The following ZNF888 variants were observed in gnomAD, a reference collection of about 807,000 sequenced individuals.
ZNF888 encodes CTD-2331H12.6.
A neutral mutation model predicts 7.2 loss-of-function variants in ZNF888; 5 were observed. The ratio of observed to expected loss-of-function variants is 0.70; its 90% CI spans 0.36 to 1.46. The LOEUF (loss-of-function observed/expected upper bound fraction) is 1.46. ZNF888 is among the 40% of genes most tolerant of loss of function. The pLI is 0.03. For missense variants in ZNF888, 716 were observed against 858.0 expected (o/e 0.83, Z 2.07); for synonymous variants, 240 against 284.3 (o/e 0.84, Z 1.57).
chr19:52,911,861 G>A (rs905909648), intron 4 of ZNF888, among the ~76,000 whole-genome samples: 1 of 151,826 alleles, frequency 6.6e-6, no homozygotes, highest in African/African-American at 2.4e-5. Flanking sequence ...CTGTCGCCCA[G>A]GCTGGAGTAC....
Position 52,907,966 on chromosome 19 carries a change from G to A in ZNF888, c.356C>T (p.Thr119Met), listed in dbSNP as rs572843700. The change falls in exon 5 of 5, where the codon ACG becomes ATG. Residue 119 changes from threonine to methionine, a missense_variant. Coordinates refer to ENST00000638862, the MANE Select transcript of ZNF888 (RefSeq NM_001393938.1). ...EAPMTEIKELTGSTDQYDQRH... is the reference protein window; with the variant it reads ...EAPMTEIKELMGSTDQYDQRH... The stretch of plus-strand genomic sequence containing the variant: ...TTGATCATATTGGTCTGTACTACCC[G>A]TCAACTCTTTGATTTCTGTCATGGG... The A allele has an allele frequency of 2.0e-4, 322 of 1,613,988 alleles. No individual in the cohort carries two copies. The African/African-American group carries it at 2.5e-3, about 13-fold the overall frequency.
intron 4 of ZNF888, among the ~76,000 whole-genome samples, chr19:52,909,286 C>T (rs931411475): frequency 2.0e-5 from 3 of 149,196 alleles, no homozygotes; most frequent in African/African-American, 5.0e-5. Flanking sequence ...CTCGCTCTGT[C>T]ACCCAGGCTG....
chr19:52,908,202 G>A, intron 4 of ZNF888, 23 bp from the exon 5 acceptor site: 1 of 1,603,736 alleles, frequency 6.2e-7, no homozygotes, highest in South Asian at 1.1e-5. Flanking sequence ...AACGCCAATA[G>A]TTTTCCAATT....
At chr19:52,921,189 G>C (rs1342460316) in intron 1 of ZNF888, among the ~76,000 whole-genome samples, 1 of 152,186 alleles carries the variant, frequency 6.6e-6, no homozygotes, top group Non-Finnish European at 1.5e-5. Flanking sequence ...TCTGGGAAAA[G>C]AGAAAAGCAA....
intron 3 of ZNF888, among the ~76,000 whole-genome samples, chr19:52,916,615 C>CATATATATACAT (rs1555828398): frequency 9.1e-5 from 12 of 131,446 alleles, no homozygotes; most frequent in African/African-American, 3.7e-4. Flanking sequence ...TATACATATA[C>CATATATATACAT]ATATATATAT....
intron 1 of ZNF888, among the ~76,000 whole-genome samples, chr19:52,922,934 C>A (rs1053697878): frequency 4.6e-5 from 7 of 152,078 alleles, no homozygotes; most frequent in Non-Finnish European, 8.8e-5. Context: ...ATGACGCCTT[C>A]GGACAAGGGT....
chr19:52,917,710 T>G, intron 3 of ZNF888, 149 bp downstream of exon 3: 1 of 1,431,582 alleles, frequency 7.0e-7, no homozygotes, highest in Non-Finnish European at 9.8e-7. Flanking sequence ...GGAATCTAGG[T>G]GAGATGAGAG....
chr19:52,916,974 T>TA (rs1014591713), intron 3 of ZNF888, among the ~76,000 whole-genome samples: 7 of 150,840 alleles, frequency 4.6e-5, no homozygotes, highest in African/African-American at 1.2e-4. Context: ...TCCTCTAGAA[T>TA]AAAAAAAAAG....
chr19:52,909,144 C>CA (rs10636278), intron 4 of ZNF888, among the ~76,000 whole-genome samples: 23 of 143,008 alleles, frequency 1.6e-4, no homozygotes, highest in Admixed American at 2.8e-4. Flanking sequence ...GACTCCATCT[C>CA]AAAAAAAAAA....
chr19:52,922,894 G>A (rs920930589), intron 1 of ZNF888, among the ~76,000 whole-genome samples: 4 of 139,164 alleles, frequency 2.9e-5, no homozygotes, highest in African/African-American at 8.4e-5. Flanking sequence ...GAGCAACAGG[G>A]CCCGGCATGA....
chr19:52,905,559 C>T lies in ZNF888; in HGVS notation c.*606G>A, dbSNP rs1389644770. ...CAAACTCCTGACCTCAAGAGATCCA[C>T]CCACCTTGGCCTCCCACAGTGCTAG... On this transcript the variant is annotated 3_prime_UTR_variant, in exon 5 of 5. Transcript: ENST00000638862. The T allele has an allele frequency of 2.0e-5, 5 of 246,966 alleles. No individual in the cohort carries two copies. Among genetic ancestry groups the T allele is most frequent in the Admixed American group, 1.5e-4 (3 of 19,726 alleles). The allele number at this position is 246,966 out of a possible 1,614,324, so 15.3% of individuals were successfully genotyped here. A position where few individuals can be genotyped will look rare whatever the true frequency, so the allele number is the denominator to read the frequency against.
Position 52,905,736 on chromosome 19 carries a change from A to G in ZNF888, c.*429T>C. The G allele has an allele frequency of 8.0e-6, 4 of 502,490 alleles. No individual in the cohort carries two copies. The highest frequency in any genetic ancestry group is 6.5e-5 in the South Asian group (4 of 61,570). The allele number at this position is 502,490 out of a possible 1,614,324, so 31.1% of individuals were successfully genotyped here. ...CAATTAATGCTTGATGGTTTGCTATACTCATTGCATTCGGAACTATTATCT... is the reference window on the plus strand; with the variant it reads ...CAATTAATGCTTGATGGTTTGCTATGCTCATTGCATTCGGAACTATTATCT... On this transcript the variant is annotated 3_prime_UTR_variant, in exon 5 of 5. Coordinates refer to ENST00000638862, the MANE Select transcript of ZNF888 (RefSeq NM_001393938.1).
intron 4 of ZNF888, among the ~76,000 whole-genome samples, chr19:52,912,652 C>T (rs1235031893): frequency 6.6e-6 from 1 of 151,616 alleles, no homozygotes; most frequent in Non-Finnish European, 1.5e-5. Context: ...ATCGCTTGAA[C>T]CTGGGAGGTG....
At chr19:52,913,247 T>C (rs761378169) in intron 4 of ZNF888, among the ~76,000 whole-genome samples, 4 of 151,516 alleles carry the variant, frequency 2.6e-5, no homozygotes, top group Non-Finnish European at 4.4e-5. Flanking sequence ...AAATGCAACA[T>C]ATACAGAAAT....
chr19:52,916,745 T>A (rs1037866431), intron 3 of ZNF888, among the ~76,000 whole-genome samples: 1 of 151,754 alleles, frequency 6.6e-6, no homozygotes, highest in Non-Finnish European at 1.5e-5. Context: ...GGGAATCTTG[T>A]CAGATCTAAG....
intron 1 of ZNF888, among the ~76,000 whole-genome samples, chr19:52,922,741 G>A (rs956516019): frequency 6.6e-6 from 1 of 152,178 alleles, no homozygotes; most frequent in African/African-American, 2.4e-5. Context: ...AGGGTTTGGA[G>A]TAAGACGCCT....
At position 52,920,186 on chromosome 19, in the gene ZNF888, G is replaced by A. The variant is rs2064808508; in HGVS notation, c.-177-1249C>T. Among the ~76,000 whole-genome samples, 2 of 62,508 alleles carry A rather than the reference G, an allele frequency of 3.2e-5. 1 individual carries two copies. The highest frequency in any genetic ancestry group is 1.1e-4 in the African/African-American group (2 of 18,366). The allele number at this position is 62,508 out of a possible 152,430, so 41.0% of individuals were successfully genotyped here. A position where few individuals can be genotyped will look rare whatever the true frequency, so the allele number is the denominator to read the frequency against. On this transcript the variant is annotated intron_variant, in intron 1 of 4. Coordinates refer to ENST00000638862, the MANE Select transcript of ZNF888 (RefSeq NM_001393938.1). Reference sequence around the variant, plus strand: ...GCCCGGCCACGACCCCGTCTGGGACGTGTGCCCAGCGGCTCATTGGGGATG... The same window carrying A: ...GCCCGGCCACGACCCCGTCTGGGACATGTGCCCAGCGGCTCATTGGGGATG...
At chr19:52,910,332 G>A (rs1429994702) in intron 4 of ZNF888, among the ~76,000 whole-genome samples, 1 of 152,006 alleles carries the variant, frequency 6.6e-6, no homozygotes, top group Non-Finnish European at 1.5e-5. Flanking sequence ...AATTAGCTAT[G>A]CATGGTGGCG....
intron 4 of ZNF888, among the ~76,000 whole-genome samples, chr19:52,910,208 A>G (rs1209218786): frequency 2.0e-5 from 3 of 149,940 alleles, no homozygotes; most frequent in African/African-American, 7.3e-5. Flanking sequence ...GCGGTGGTGC[A>G]TGCCTGTAAT....
Sources: allele counts gnomAD v4.1 joint callset (sites outside exome capture counted in the v4.1 genomes callset), GRCh38; gene constraint gnomAD v4.1.1; transcripts MANE v1.5; gene names NCBI Gene and HGNC (gene_info 2026-07-23, HGNC 2026-07-21).